Variants in IL1RAPL1 observed in about 807,000 individuals in gnomAD.
IL1RAPL1 encodes the protein interleukin-1 receptor accessory protein-like 1.
In IL1RAPL1, 3 loss-of-function variants were observed where a neutral mutation model predicts 48.4. The ratio of observed to expected loss-of-function variants is 0.06; its 90% confidence interval spans 0.03 to 0.16. The LOEUF is 0.16. Ranked by LOEUF, IL1RAPL1 falls within the 10% of genes least tolerant of loss-of-function variation. The pLI is 1.00. For missense variants in IL1RAPL1, 349 were observed against 530.6 expected (o/e 0.66, Z 3.36); for synonymous variants, 185 against 187.7 (o/e 0.99, Z 0.12).
chrX:28,854,539 G>A (rs1474027784), intron 2 of IL1RAPL1, among the ~76,000 whole-genome samples: 1 of 111,478 alleles, frequency 9.0e-6, no homozygotes, highest in African/African-American at 3.3e-5. Flanking sequence ...GAGTTGGAGG[G>A]TGGGATCAGG....
At chrX:28,606,443 A>G (rs1341549487) in intron 1 of IL1RAPL1, among the ~76,000 whole-genome samples, 1 of 111,934 alleles carries the variant, frequency 8.9e-6, no homozygotes, top group African/African-American at 3.2e-5. Context: ...CCAATACCAC[A>G]GGCATATAAT....
At chrX:29,711,069 T>TATACAC (rs1555913970) in intron 6 of IL1RAPL1, among the ~76,000 whole-genome samples, 3 of 86,448 alleles carry the variant, frequency 3.5e-5, no homozygotes, top group Admixed American at 2.7e-4. Context: ...TGTGTGTGTA[T>TATACAC]ACACACACAC....
intron 6 of IL1RAPL1, among the ~76,000 whole-genome samples, chrX:29,887,711 A>G (rs781140180): frequency 2.8e-3 from 307 of 110,684 alleles, no homozygotes; most frequent in African/African-American, 9.6e-3. Flanking sequence ...TTCTAAGCAT[A>G]CACACGCTAA....
At chrX:29,303,452 T>C (rs185635623) in intron 3 of IL1RAPL1, among the ~76,000 whole-genome samples, 1 of 112,079 alleles carries the variant, frequency 8.9e-6, no homozygotes, top group Non-Finnish European at 1.9e-5. Context: ...TTAAAGTCTC[T>C]TTATAATTGT....
At chrX:28,596,955 T>G (rs960826161) in intron 1 of IL1RAPL1, among the ~76,000 whole-genome samples, 1 of 110,195 alleles carries the variant, frequency 9.1e-6, no homozygotes, top group Non-Finnish European at 1.9e-5. Context: ...CGTAGAGGGA[T>G]TAGGTGAGGC....
chrX:29,851,380 A>G (rs981919530), intron 6 of IL1RAPL1, among the ~76,000 whole-genome samples: 2 of 111,521 alleles, frequency 1.8e-5, no homozygotes, highest in Admixed American at 1.9e-4. Context: ...TCGCCCGATT[A>G]TATAGTACTT....
intron 3 of IL1RAPL1, among the ~76,000 whole-genome samples, chrX:29,359,145 T>C (rs1933344477): frequency 9.0e-6 from 1 of 111,554 alleles, no homozygotes; most frequent in African/African-American, 3.3e-5. Flanking sequence ...ATAAAGAAAA[T>C]ATGTTCATTC....
intron 2 of IL1RAPL1, among the ~76,000 whole-genome samples, chrX:29,282,687 A>G (rs1384903350): frequency 8.9e-6 from 1 of 111,980 alleles, no homozygotes; most frequent in African/African-American, 3.2e-5. Flanking sequence ...TAACCAGCAC[A>G]CTGATATAAA....
In IL1RAPL1 at chrX:28,731,614, T is replaced by C. The variant is rs1186598186; in HGVS notation, c.-24-57706T>C. Reference sequence around the variant, plus strand: ...CATTTTTTTATCAGTGCGTGAAAGGTCACTGGCTGAGGGAGAGACAGGCAA... The same window carrying C: ...CATTTTTTTATCAGTGCGTGAAAGGCCACTGGCTGAGGGAGAGACAGGCAA... On this transcript the variant is annotated intron_variant, in intron 1 of 10. Coordinates refer to ENST00000378993, the MANE Select transcript of IL1RAPL1 (RefSeq NM_014271.4). Among the ~76,000 whole-genome samples, 6 of 111,460 alleles carry C rather than the reference T, an allele frequency of 5.4e-5. No individual in the cohort carries two copies. The Admixed American group carries it at 5.8e-4, about 11-fold the overall frequency.
intron 2 of IL1RAPL1, among the ~76,000 whole-genome samples, chrX:28,981,666 C>T (rs1026880768): frequency 8.9e-6 from 1 of 111,774 alleles, no homozygotes; most frequent in Non-Finnish European, 1.9e-5. Flanking sequence ...CCAGCCTTGT[C>T]TTCCTGTTTA....
intron 2 of IL1RAPL1, among the ~76,000 whole-genome samples, chrX:29,018,734 C>G (rs1926296298): frequency 9.0e-6 from 1 of 111,488 alleles, no homozygotes; most frequent in Non-Finnish European, 1.9e-5. Flanking sequence ...TCCAGACAAG[C>G]AGGAATGAAG....
intron 2 of IL1RAPL1, among the ~76,000 whole-genome samples, chrX:29,253,908 G>A (rs1931709478): frequency 9.0e-6 from 1 of 111,536 alleles, no homozygotes; most frequent in African/African-American, 3.3e-5. Flanking sequence ...AGGTAAATAG[G>A]TGAGTAGCCC....
At chrX:29,237,723 C>T (rs1240882559) in intron 2 of IL1RAPL1, among the ~76,000 whole-genome samples, 1 of 111,925 alleles carries the variant, frequency 8.9e-6, no homozygotes, top group South Asian at 3.7e-4. Flanking sequence ...GTCTGACTGC[C>T]ACTGGGCAAT....
chrX:29,311,648 A>G (rs1045329879), intron 3 of IL1RAPL1, among the ~76,000 whole-genome samples: 2 of 112,142 alleles, frequency 1.8e-5, no homozygotes, highest in Non-Finnish European at 3.8e-5. Context: ...ATATGTTGCT[A>G]GTGGCTACGG....
chrX:29,766,912 C>T (rs974253231), intron 6 of IL1RAPL1, among the ~76,000 whole-genome samples: 6 of 108,558 alleles, frequency 5.5e-5, no homozygotes, highest in Admixed American at 2.0e-4. Flanking sequence ...GCAAAATATT[C>T]TCTTACATAG....
At position 29,554,897 on chromosome X, in the gene IL1RAPL1, C is replaced by T. The variant is rs928791876; in HGVS notation, c.704-113533C>T. On this transcript the variant is annotated intron_variant, in intron 5 of 10. Transcript: ENST00000378993. Reference sequence around the variant, plus strand: ...CATTCCTAGTTTAACTATTTGCTAACCCTGTCCATTGATTTTCACAGTATA... The same window carrying T: ...CATTCCTAGTTTAACTATTTGCTAATCCTGTCCATTGATTTTCACAGTATA... Among the ~76,000 whole-genome samples the T allele has an allele frequency of 5.3e-5, 6 of 112,494 alleles. No individual in the cohort carries two copies. In the South Asian group the frequency reaches 1.8e-3, roughly 34 times the overall value.
chrX:29,320,637 C>T (rs1306510831), intron 3 of IL1RAPL1, among the ~76,000 whole-genome samples: 3 of 109,252 alleles, frequency 2.7e-5, no homozygotes, highest in Non-Finnish European at 3.8e-5. Context: ...ATTACCCGGG[C>T]GTGGTGGCGT....
rs765210381 is a variant in IL1RAPL1 at position 28,615,854 on chromosome X, T to C, written c.-25+27807T>C. On this transcript the variant is annotated intron_variant, in intron 1 of 10. Coordinates refer to ENST00000378993, the MANE Select transcript of IL1RAPL1 (RefSeq NM_014271.4). The stretch of plus-strand genomic sequence containing the variant: ...TCACACAAACATCACCTCTTAGTAA[T>C]AGAAACTTGACTGGGAGACCCAAGC... 1.5e-4 allele frequency among the ~76,000 whole-genome samples: 17 copies of C among 111,936 alleles called. No homozygotes were observed. In the South Asian group the frequency reaches 5.3e-3, roughly 35 times the overall value.
chrX:29,698,490 G>A (rs1399124766), intron 6 of IL1RAPL1, among the ~76,000 whole-genome samples: 1 of 110,667 alleles, frequency 9.0e-6, no homozygotes, highest in Non-Finnish European at 1.9e-5. Context: ...CTTTGTGCAT[G>A]GTTTTGTGCA....
Sources: gnomAD v4.1 joint callset for allele counts (sites outside exome capture counted in the v4.1 genomes callset) on GRCh38, gnomAD v4.1.1 for gene constraint, MANE v1.5 for transcripts, NCBI Gene and HGNC (gene_info 2026-07-23, HGNC 2026-07-21) for gene names.